The following SEC63 variants were observed in gnomAD, a reference collection of about 807,000 sequenced individuals.
SEC63 encodes the protein SEC63 protein translocation regulator, also known as translocation protein SEC63 homolog.
In SEC63, 56 loss-of-function variants were observed where a neutral mutation model predicts 116.2. The ratio of observed to expected loss-of-function variants is 0.48; its 90% CI spans 0.39 to 0.60. The LOEUF is 0.60. Among genes scored for constraint, SEC63 ranks in the 20% least tolerant of loss-of-function variants. The probability of loss-of-function intolerance (pLI) is 0.00; values close to 1 mark genes in which losing one functional copy is unlikely to be tolerated. For missense variants in SEC63, 668 were observed against 900.0 expected, an observed-to-expected ratio of 0.74 and a Z score of 3.30; for synonymous variants, 273 against 294.6, an observed-to-expected ratio of 0.93 and a Z score of 0.75.
intron 1 of SEC63, among the ~76,000 whole-genome samples, chr6:107,941,502 CAA>C (rs1252442185): frequency 5.1e-5 from 6 of 116,552 alleles, no homozygotes; most frequent in Non-Finnish European, 7.2e-5. Context: ...GACCGTGTCT[CAA>C]AAAAAAAAAA....
intron 1 of SEC63, among the ~76,000 whole-genome samples, chr6:107,954,014 T>A (rs1472182708): frequency 1.3e-5 from 2 of 152,018 alleles, no homozygotes; most frequent in Non-Finnish European, 2.9e-5. Context: ...GGCGGTTTTG[T>A]GGAATAGAAA....
intron 13 of SEC63, 101 bp from the exon 14 acceptor site, chr6:107,897,832 G>T: frequency 1.3e-6 from 1 of 789,640 alleles, no homozygotes; most frequent in Non-Finnish European, 2.3e-6. Flanking sequence ...TGGCACTTTA[G>T]TATTTCAAGC....
rs569570693 is a variant in SEC63, at chr6:107,902,737, A to G, written c.1209+107T>C. 59 of 1,066,572 alleles carry G rather than the reference A, an allele frequency of 5.5e-5. No homozygotes were observed. In the Middle Eastern group the frequency reaches 9.1e-4, roughly 16 times the overall value. The allele number at this position is 1,066,572 out of a possible 1,614,324, so 66.1% of individuals were successfully genotyped here. A position where few individuals can be genotyped will look rare whatever the true frequency, so the allele number is the denominator to read the frequency against. ...AGTTTTAGAGTATTTAAGACATTCT[A>G]AATCTAAAAAATGCATAGTAACCAT... On this transcript the variant is annotated intron_variant, in intron 12 of 20. Coordinates refer to ENST00000369002, the MANE Select transcript of SEC63 (RefSeq NM_007214.5).
chr6:107,915,326 A>G (rs993998087), intron 4 of SEC63, among the ~76,000 whole-genome samples: 4 of 152,102 alleles, frequency 2.6e-5, no homozygotes, highest in Non-Finnish European at 5.9e-5. Context: ...ACAAAGACAC[A>G]TAAATTTTGT....
In SEC63 at chr6:107,906,319, T is replaced by G. The variant is rs6906940; in HGVS notation, c.961+129A>C. ...AATGAGCCAATTAAACCTCTTTTGTTTATATATTACCCAGCCTCAGGTATT... is the reference window on the plus strand; with the variant it reads ...AATGAGCCAATTAAACCTCTTTTGTGTATATATTACCCAGCCTCAGGTATT... On this transcript the variant is annotated intron_variant, in intron 10 of 20. Coordinates refer to ENST00000369002, the MANE Select transcript of SEC63 (RefSeq NM_007214.5). 0.24 allele frequency: 245,784 copies of G among 1,042,304 alleles called. 31,013 individuals carry two copies. Among genetic ancestry groups the G allele is most frequent in the Middle Eastern group, 0.3 (1,358 of 4,584 alleles). The allele number at this position is 1,042,304 out of a possible 1,614,324, so 64.6% of individuals were successfully genotyped here.
At position 107,945,936 on chromosome 6, in the gene SEC63, A is replaced by G. The variant is rs199704712; in HGVS notation, c.124+11950T>C. 8.5e-4 allele frequency among the ~76,000 whole-genome samples: 128 copies of G among 151,434 alleles called. 2 individuals are homozygous for G. In the East Asian group the frequency reaches 0.024, roughly 28 times the overall value. The stretch of plus-strand genomic sequence containing the variant: ...TTTCCTGTATTTTGTTTGTTTGTTT[A>G]TTTATTTATTTATTTTTTGAGACGG... On this transcript the variant is annotated intron_variant, in intron 1 of 20. Transcript: ENST00000369002.
chr6:107,895,069 T>A (rs1786783400), intron 14 of SEC63, among the ~76,000 whole-genome samples: 1 of 152,218 alleles, frequency 6.6e-6, no homozygotes, highest in Non-Finnish European at 1.5e-5. Context: ...CTTTCACTTA[T>A]TAGCTGGGTT....
chr6:107,954,439 T>C (rs1435688925), intron 1 of SEC63: 5 of 123,744 alleles, frequency 4.0e-5, no homozygotes, highest in Non-Finnish European at 4.8e-5. Flanking sequence ...TCCCCCTCTG[T>C]GAGAAACACC....
chr6:107,946,646 CCT>C (rs1190070931), intron 1 of SEC63, among the ~76,000 whole-genome samples: 3 of 152,280 alleles, frequency 2.0e-5, no homozygotes, highest in African/African-American at 4.8e-5. Flanking sequence ...CTGATACACC[CCT>C]CTGTCAGGAT....
rs541601496 is a variant in SEC63, at chr6:107,935,012, C to A, written c.125-5498G>T. Among the ~76,000 whole-genome samples the A allele has an allele frequency of 7.5e-3, 1,008 of 134,392 alleles. 1 individual carries two copies. The highest frequency in any genetic ancestry group is 0.019 in the Middle Eastern group (4 of 210). The allele number at this position is 134,392 out of a possible 152,430, so 88.2% of individuals were successfully genotyped here. A position where few individuals can be genotyped will look rare whatever the true frequency, so the allele number is the denominator to read the frequency against. On this transcript the variant is annotated intron_variant, in intron 1 of 20. Coordinates refer to ENST00000369002, the MANE Select transcript of SEC63 (RefSeq NM_007214.5). Reference sequence around the variant, plus strand: ...GAGGTGGGGGGGTCAGCCCCCCGCCCGGCCAGCCACCCCGTCCGGGAGGTG... The same window carrying A: ...GAGGTGGGGGGGTCAGCCCCCCGCCAGGCCAGCCACCCCGTCCGGGAGGTG...
chr6:107,949,710 G>A (rs1044715032), intron 1 of SEC63, among the ~76,000 whole-genome samples: 8 of 152,162 alleles, frequency 5.3e-5, no homozygotes, highest in African/African-American at 1.9e-4. Flanking sequence ...GCTCACTGCA[G>A]CCTCGATCTC....
intron 4 of SEC63, among the ~76,000 whole-genome samples, chr6:107,920,470 C>T (rs1787530557): frequency 7.0e-6 from 1 of 143,678 alleles, no homozygotes. Flanking sequence ...CTACTGCACG[C>T]TTAATAGACT....
At chr6:107,925,913 G>A (rs1001996856) in intron 2 of SEC63, among the ~76,000 whole-genome samples, 10 of 152,030 alleles carry the variant, frequency 6.6e-5, no homozygotes, top group South Asian at 4.2e-4. Flanking sequence ...GCAATGGCAC[G>A]ATCTTGGCTC....
chr6:107,951,993 C>A (rs1206115807), intron 1 of SEC63, among the ~76,000 whole-genome samples: 1 of 151,460 alleles, frequency 6.6e-6, no homozygotes, highest in Non-Finnish European at 1.5e-5. Context: ...AAAAAAAGTT[C>A]CCGAAGTGAT....
intron 4 of SEC63, among the ~76,000 whole-genome samples, chr6:107,918,288 G>C (rs1295655265): frequency 9.9e-5 from 15 of 151,954 alleles, no homozygotes. Flanking sequence ...ACTGCTCATT[G>C]ACAACGCACG....
At chr6:107,938,992 T>C (rs888764956) in intron 1 of SEC63, among the ~76,000 whole-genome samples, 8 of 152,226 alleles carry the variant, frequency 5.3e-5, no homozygotes, top group African/African-American at 1.9e-4. Context: ...GTTGAAAGAA[T>C]ATTACAATGG....
chr6:107,942,824 G>A (rs1170266605), intron 1 of SEC63, among the ~76,000 whole-genome samples: 1 of 151,972 alleles, frequency 6.6e-6, no homozygotes, highest in East Asian at 1.9e-4. Context: ...AAAATCATAA[G>A]GAAGAGAAAA....
chr6:107,895,981 A>G (rs2114431289), intron 14 of SEC63, among the ~76,000 whole-genome samples: 1 of 152,150 alleles, frequency 6.6e-6, no homozygotes, highest in Middle Eastern at 3.4e-3. Flanking sequence ...CCTGGGCAAC[A>G]TGGAGAAACC....
At chr6:107,914,361 A>C (rs985318244) in intron 4 of SEC63, among the ~76,000 whole-genome samples, 1 of 152,204 alleles carries the variant, frequency 6.6e-6, no homozygotes, top group Non-Finnish European at 1.5e-5. Flanking sequence ...CCGTACTTCT[A>C]CTTCTCAAAA....
Sources: allele counts gnomAD v4.1 joint callset (sites outside exome capture counted in the v4.1 genomes callset), GRCh38; gene constraint gnomAD v4.1.1; transcripts MANE v1.5; gene names NCBI Gene and HGNC (gene_info 2026-07-23, HGNC 2026-07-21).